The following IGSF11 variants were observed in gnomAD, a reference collection of about 807,000 sequenced individuals.
IGSF11 encodes the protein immunoglobulin superfamily member 11.
In IGSF11, 22 loss-of-function variants were observed where a neutral mutation model predicts 41.0. The ratio of observed to expected loss-of-function variants is 0.54; its 90% CI spans 0.38 to 0.77. IGSF11 has a LOEUF of 0.77. Among genes scored for constraint, IGSF11 ranks in the 30% least tolerant of loss-of-function variants. The pLI, the probability that IGSF11 is intolerant of heterozygous loss-of-function variation, is 0.00. For missense variants in IGSF11, 444 were observed against 530.8 expected, an observed-to-expected ratio of 0.84 and a Z score of 1.61; for synonymous variants, 219 against 201.3, an observed-to-expected ratio of 1.09 and a Z score of -0.74.
chr3:118,938,007 A>C (rs1303617933), intron 1 of IGSF11, among the ~76,000 whole-genome samples: 5 of 150,664 alleles, frequency 3.3e-5, no homozygotes, highest in East Asian at 3.9e-4. Flanking sequence ...TCCAAAAGAT[A>C]TCTCTCTCTC....
intron 1 of IGSF11, among the ~76,000 whole-genome samples, chr3:119,016,320 G>C (rs1010151658): frequency 3.3e-5 from 5 of 152,196 alleles, no homozygotes; most frequent in African/African-American, 1.2e-4. Flanking sequence ...AAACTGCCCA[G>C]AAATATGTCG....
At chr3:119,142,661 G>C (rs982615427) in intron 1 of IGSF11, among the ~76,000 whole-genome samples, 1 of 151,724 alleles carries the variant, frequency 6.6e-6, no homozygotes, top group African/African-American at 2.4e-5. Context: ...AGAGGAGAGA[G>C]AGAAAGGGAA....
intron 4 of IGSF11, among the ~76,000 whole-genome samples, chr3:118,911,721 C>CAGAG (rs564142301): frequency 6.0e-5 from 9 of 149,374 alleles, no homozygotes; most frequent in Non-Finnish European, 3.0e-5. Flanking sequence ...AGAGGAGACA[C>CAGAG]AGAGAGAGAG....
At chr3:119,096,328 T>TAC (rs1576793666) in intron 1 of IGSF11, among the ~76,000 whole-genome samples, 1 of 151,868 alleles carries the variant, frequency 6.6e-6, no homozygotes, top group African/African-American at 2.4e-5. Flanking sequence ...AATATATATA[T>TAC]ACACACACAC....
rs1937134848 is a variant in IGSF11, at chr3:119,003,582, T to C, written c.52+30949A>G. Among the ~76,000 whole-genome samples the C allele has an allele frequency of 2.0e-5, 3 of 151,390 alleles. No homozygotes were observed. In the South Asian group the frequency reaches 6.2e-4, roughly 31 times the overall value. ...GCTTCCAGTTTTTGCCCATTCAGTATGATATTGGCTGTGGGTTTGTTATAG... is the reference window on the plus strand; with the variant it reads ...GCTTCCAGTTTTTGCCCATTCAGTACGATATTGGCTGTGGGTTTGTTATAG... On this transcript the variant is annotated intron_variant, in intron 1 of 6. Coordinates refer to ENST00000393775, the MANE Select transcript of IGSF11 (RefSeq NM_001015887.3).
In IGSF11 at chr3:119,133,867, T is replaced by C. The variant is rs974869814; in HGVS notation, c.-14+11946A>G. On this transcript the variant is annotated intron_variant, in intron 1 of 7. Transcript: ENST00000425327. ...ATCCAGCAGCACATCAAAAAGTCTA[T>C]CCACCATGATCAAGTTGGCTTCACC... 2.6e-5 allele frequency among the ~76,000 whole-genome samples: 4 copies of C among 152,162 alleles called. No homozygotes were observed. In the East Asian group the frequency reaches 7.7e-4, roughly 29 times the overall value.
upstream of IGSF11, among the ~76,000 whole-genome samples, chr3:119,109,471 C>T (rs1225779850): frequency 1.3e-5 from 2 of 151,978 alleles, no homozygotes; most frequent in Admixed American, 1.3e-4. Context: ...CTATTTGATT[C>T]TTCTCTCTTT....
chr3:118,951,304 T>C (rs1316901156), intron 1 of IGSF11, among the ~76,000 whole-genome samples: 1 of 152,186 alleles, frequency 6.6e-6, no homozygotes, highest in East Asian at 1.9e-4. Context: ...AGACCAAAGC[T>C]GGCTGACAAA....
At chr3:119,129,641 T>C (rs983804143) in intron 1 of IGSF11, among the ~76,000 whole-genome samples, 2 of 152,160 alleles carry the variant, frequency 1.3e-5, no homozygotes, top group African/African-American at 4.8e-5. Flanking sequence ...AGATAGTATT[T>C]GCAAGCCTCA....
rs978037494 is a variant in IGSF11, at chr3:118,960,094, C to A, written c.53-29819G>T. On this transcript the variant is annotated intron_variant, in intron 1 of 6. Coordinates refer to ENST00000393775, the MANE Select transcript of IGSF11 (RefSeq NM_001015887.3). ...AAATGTGTCGAACAAAAAGGTTATACACCCAGGTAATAATGTGGCTCAGTC... is the reference window on the plus strand; with the variant it reads ...AAATGTGTCGAACAAAAAGGTTATAAACCCAGGTAATAATGTGGCTCAGTC... Among the ~76,000 whole-genome samples the A allele has an allele frequency of 3.3e-5, 5 of 150,846 alleles. 1 individual carries two copies. Among genetic ancestry groups the A allele is most frequent in the East Asian group, 1.9e-4 (1 of 5,140 alleles).
chr3:119,056,441 A>C (rs1941837764), intron 1 of IGSF11, among the ~76,000 whole-genome samples: 1 of 152,242 alleles, frequency 6.6e-6, no homozygotes, highest in South Asian at 2.1e-4. Context: ...GAATCTCTGA[A>C]TAGACCAATA....
intron 1 of IGSF11, among the ~76,000 whole-genome samples, chr3:119,025,226 G>A (rs1003351977): frequency 6.6e-6 from 1 of 151,956 alleles, no homozygotes; most frequent in Non-Finnish European, 1.5e-5. Flanking sequence ...ATCTTACTAC[G>A]AATATTTTCA....
rs74318673 is a variant in IGSF11 at position 118,946,837 on chromosome 3, C to T, written c.53-16562G>A. Among the ~76,000 whole-genome samples, 4 of 152,286 alleles carry T rather than the reference C, an allele frequency of 2.6e-5. No homozygotes were observed. In the South Asian group the frequency reaches 6.2e-4, roughly 24 times the overall value. On this transcript the variant is annotated intron_variant, in intron 1 of 6. Transcript: ENST00000393775. ...TGCTTAACAAATGCACATGGCCGGGCGCAGTGGCTCACGCCTGTAATCCCA... is the reference window on the plus strand; with the variant it reads ...TGCTTAACAAATGCACATGGCCGGGTGCAGTGGCTCACGCCTGTAATCCCA...
chr3:119,050,207 C>T (rs1327703885), intron 1 of IGSF11, among the ~76,000 whole-genome samples: 2 of 151,866 alleles, frequency 1.3e-5, no homozygotes, highest in Non-Finnish European at 2.9e-5. Context: ...TCAGAGTGAA[C>T]AGGCAACCTA....
At chr3:118,986,257 G>A (rs1411821234) in intron 1 of IGSF11, among the ~76,000 whole-genome samples, 2 of 152,120 alleles carry the variant, frequency 1.3e-5, no homozygotes, top group Non-Finnish European at 2.9e-5. Flanking sequence ...AGAGGAACCA[G>A]TCATGCCTCT....
intron 1 of IGSF11, among the ~76,000 whole-genome samples, chr3:119,088,523 A>G (rs2076714203): frequency 6.6e-6 from 1 of 152,190 alleles, no homozygotes; most frequent in Non-Finnish European, 1.5e-5. Context: ...GGCACTACAA[A>G]AAAACAAAAA....
In IGSF11 at chr3:118,922,370, C is replaced by T. The variant is rs191225840; in HGVS notation, c.580+3731G>A. On this transcript the variant is annotated intron_variant, in intron 4 of 6. Transcript: ENST00000393775. ...TATACTGTGAAAAGATTACCACAAC[C>T]AATCTAATTAACATGTCAATCACAT... Among the ~76,000 whole-genome samples the T allele has an allele frequency of 7.6e-3, 1,155 of 151,912 alleles. 26 individuals carry two copies. The highest frequency in any genetic ancestry group is 0.026 in the African/African-American group (1,090 of 41,366).
chr3:118,910,835 A>T (rs756146793), intron 4 of IGSF11, among the ~76,000 whole-genome samples: 8 of 151,976 alleles, frequency 5.3e-5, no homozygotes, highest in Non-Finnish European at 1.2e-4. Context: ...AACCAGTAAA[A>T]CTTCTATCCA....
At chr3:118,993,574 C>G (rs904046787) in intron 1 of IGSF11, among the ~76,000 whole-genome samples, 1 of 152,128 alleles carries the variant, frequency 6.6e-6, no homozygotes, top group Middle Eastern at 3.2e-3. Context: ...TATGTGTTCA[C>G]AGCATGATAG....
Sources: allele counts gnomAD v4.1 joint callset (sites outside exome capture counted in the v4.1 genomes callset), GRCh38; gene constraint gnomAD v4.1.1; transcripts MANE v1.5; gene names NCBI Gene and HGNC (gene_info 2026-07-23, HGNC 2026-07-21).